The following EXD3 variants were observed in gnomAD, a reference collection of about 807,000 sequenced individuals.
The protein encoded by EXD3 is exonuclease mut-7 homolog.
A neutral mutation model predicts 98.0 loss-of-function variants in EXD3; 92 were observed. That is an observed-to-expected ratio of 0.94 (90% CI 0.79 to 1.12). EXD3 has a LOEUF of 1.12. Ranked by LOEUF, EXD3 falls within the 50% of genes most tolerant of loss-of-function variation. The probability of loss-of-function intolerance (pLI) is 0.00; values close to 1 mark genes in which losing one functional copy is unlikely to be tolerated. For synonymous variants in EXD3, 569 were observed against 526.0 expected, an observed-to-expected ratio of 1.08 and a Z score of -1.12; for missense variants, 1,222 against 1,191.6, an observed-to-expected ratio of 1.03 and a Z score of -0.38.
At chr9:137,412,485 C>A (rs942767289) in intron 1 of EXD3, among the ~76,000 whole-genome samples, 1 of 152,220 alleles carries the variant, frequency 6.6e-6, no homozygotes, top group Non-Finnish European at 1.5e-5. Flanking sequence ...TCCAGGTGCC[C>A]ACCGGGGCCC....
chr9:137,376,640 C>T (rs1183848100), intron 3 of EXD3, among the ~76,000 whole-genome samples: 1 of 151,990 alleles, frequency 6.6e-6, no homozygotes, highest in Non-Finnish European at 1.5e-5. Flanking sequence ...TTTAAAAATG[C>T]CTCTTTTGGC....
intron 16 of EXD3, among the ~76,000 whole-genome samples, chr9:137,348,722 CTAGA>C (rs1225189251): frequency 1.2e-5 from 1 of 83,730 alleles, no homozygotes; most frequent in Non-Finnish European, 2.3e-5. Context: ...AAGGAGGGGG[CTAGA>C]TAGAGAGGGG....
rs1292751800 is a variant in EXD3, at chr9:137,328,600, GACTACAC to G, written c.1999-4464_1999-4458del. ...ACAGGAGCTACACGGGACTACACGG[GACTACAC>G]GGGGCTACACGGGACTACACGGGAC... On this transcript the variant is annotated intron_variant, in intron 17 of 21. Coordinates refer to ENST00000340951, the MANE Select transcript of EXD3 (RefSeq NM_017820.5). Among the ~76,000 whole-genome samples, 112 of 54,112 alleles carry G rather than the reference GACTACAC, an allele frequency of 2.1e-3. 11 individuals are homozygous for G. Among genetic ancestry groups the G allele is most frequent in the African/African-American group, 9.1e-3 (90 of 9,860 alleles). 35.5% of individuals were successfully genotyped at this position (54,112 alleles called of 152,430 possible).
chr9:137,340,276 A>G (rs756474349), intron 17 of EXD3, among the ~76,000 whole-genome samples: 1 of 152,118 alleles, frequency 6.6e-6, no homozygotes, highest in African/African-American at 2.4e-5. Flanking sequence ...AAGGAGTTCA[A>G]GGTCAGCCTG....
At chr9:137,390,428 T>C (rs562420147) in intron 2 of EXD3, among the ~76,000 whole-genome samples, 28 of 148,616 alleles carry the variant, frequency 1.9e-4, no homozygotes, top group African/African-American at 6.2e-4. Context: ...CAAGATTCTG[T>C]TGCCAAAAAA....
intron 7 of EXD3, among the ~76,000 whole-genome samples, chr9:137,362,494 AG>A (rs1286704077): frequency 6.6e-6 from 1 of 151,500 alleles, no homozygotes; most frequent in East Asian, 1.9e-4. Context: ...AAGCATAGAA[AG>A]GAACTTCCTC....
In EXD3 at chr9:137,395,235, C is replaced by G. The variant is rs1385714691; in HGVS notation, c.55+68G>C. Reference sequence around the variant, plus strand: ...GAGTACACAGTGGGCGCCACCACCCCCCATGCACACCCACGCACCTCCCCC... The same window carrying G: ...GAGTACACAGTGGGCGCCACCACCCGCCATGCACACCCACGCACCTCCCCC... On this transcript the variant is annotated intron_variant, in intron 2 of 21. Coordinates refer to ENST00000340951, the MANE Select transcript of EXD3 (RefSeq NM_017820.5). The surrounding 1 kb of genome is among the most constrained non-coding windows in gnomAD (Gnocchi z 6.5). 4.3e-6 allele frequency: 6 copies of G among 1,393,978 alleles called. No individual in the cohort carries two copies. The highest frequency in any genetic ancestry group is 6.1e-6 in the Non-Finnish European group (6 of 981,706). The allele number at this position is 1,393,978 out of a possible 1,614,324, so 86.4% of individuals were successfully genotyped here.
rs1491044821 is a variant in EXD3, at chr9:137,307,240, CAG to C, written c.2339_2340del (p.Pro780ArgfsTer6). ...CAGGGGCGGTCATAGGTGCAGCCCTCAGGGGCTGCGTCTGGGGCTGGGCCTGG... is the reference window on the plus strand; with the variant it reads ...CAGGGGCGGTCATAGGTGCAGCCCTCGGGCTGCGTCTGGGGCTGGGCCTGG... ...QEPGPAPDAA[P>X]EGCTYDRPCR... is the part of the protein sequence containing the mutation. On this transcript the variant is annotated frameshift_variant, in exon 22 of 22. Transcript: ENST00000340951. LOFTEE classifies it low-confidence loss of function (END_TRUNC). 5.8e-6 allele frequency: 9 copies of C among 1,553,178 alleles called. No homozygotes were observed. The Admixed American group carries it at 7.6e-5, about 13-fold the overall frequency.
chr9:137,381,719 A>T (rs1836281138), intron 3 of EXD3, among the ~76,000 whole-genome samples: 1 of 152,104 alleles, frequency 6.6e-6, no homozygotes, highest in African/African-American at 2.4e-5. Context: ...CCTGGTCTTC[A>T]TCTCCCTCCT....
chr9:137,381,687 G>A (rs956565875), intron 3 of EXD3, among the ~76,000 whole-genome samples: 2 of 152,098 alleles, frequency 1.3e-5, no homozygotes, highest in African/African-American at 2.4e-5. Flanking sequence ...ACTGCAGACC[G>A]CCCCAAGGAG....
At chr9:137,408,883 C>G (rs933731441) in intron 1 of EXD3, among the ~76,000 whole-genome samples, 5 of 152,234 alleles carry the variant, frequency 3.3e-5, no homozygotes, top group Non-Finnish European at 5.9e-5. Flanking sequence ...AGCCCCTCTC[C>G]ACAAGTCTGC....
chr9:137,382,206 C>CGGGGAGGAGGTG (rs1554730805), intron 3 of EXD3, among the ~76,000 whole-genome samples: 1 of 151,838 alleles, frequency 6.6e-6, no homozygotes, highest in Admixed American at 6.6e-5. Flanking sequence ...GGTGAGGGCA[C>CGGGGAGGAGGTG]AGACACAGGC....
At position 137,403,656 on chromosome 9, in the gene EXD3, G is replaced by A. The variant is rs1234672341; in HGVS notation, c.-47-8252C>T. On this transcript the variant is annotated intron_variant, in intron 1 of 21. Coordinates refer to ENST00000340951, the MANE Select transcript of EXD3 (RefSeq NM_017820.5). The surrounding 1 kb of genome is among the most constrained non-coding windows in gnomAD (Gnocchi z 6.1). ...TTTTGCTGTCACCTTAATTGGCCTT[G>A]GGGGAGATGGACCAGCAGGCCCGAG... Among the ~76,000 whole-genome samples the A allele has an allele frequency of 6.6e-6, 1 of 152,114 alleles. No homozygotes were observed. Among genetic ancestry groups the A allele is most frequent in the African/African-American group, 2.4e-5 (1 of 41,400 alleles).
chr9:137,365,995 T>C (rs562189728), intron 7 of EXD3: 3 of 574,008 alleles, frequency 5.2e-6, no homozygotes, highest in Non-Finnish European at 6.6e-6. Flanking sequence ...CATGCACACC[T>C]GCAGGCACAC....
At chr9:137,331,555 G>A (rs1038856254) in intron 17 of EXD3, among the ~76,000 whole-genome samples, 2 of 152,148 alleles carry the variant, frequency 1.3e-5, no homozygotes, top group South Asian at 2.1e-4. Context: ...AAATGGATTC[G>A]GTGAAGTCTC....
At chr9:137,366,072 T>C (rs2131655404) in intron 7 of EXD3, 2 of 682,782 alleles carry the variant, frequency 2.9e-6, no homozygotes, top group Non-Finnish European at 5.4e-6. Flanking sequence ...CCTGAATCCA[T>C]ACAGGCACCA....
intron 1 of EXD3, among the ~76,000 whole-genome samples, chr9:137,398,829 C>T (rs1385925850): frequency 6.8e-6 from 1 of 148,006 alleles, no homozygotes; most frequent in Non-Finnish European, 1.5e-5. Context: ...GTCCCCGTGA[C>T]ACACGTGCAC....
chr9:137,396,954 C>T (rs1448356798), intron 1 of EXD3, among the ~76,000 whole-genome samples: 1 of 152,230 alleles, frequency 6.6e-6, no homozygotes. Context: ...CTGGGCTGGG[C>T]ACAGTGTCCC....
chr9:137,367,853 C>T (rs1387533145), intron 6 of EXD3, 83 bp downstream of exon 6: 12 of 1,385,824 alleles, frequency 8.7e-6, no homozygotes, highest in South Asian at 1.3e-5. Context: ...GGTGGACTCC[C>T]GACCTCCAAC....
Sources: allele counts gnomAD v4.1 joint callset (sites outside exome capture counted in the v4.1 genomes callset), GRCh38; gene constraint gnomAD v4.1.1; non-coding constraint Gnocchi (gnomAD v3.1); transcripts MANE v1.5; gene names NCBI Gene and HGNC (gene_info 2026-07-23, HGNC 2026-07-21).